Variants in AKAP1 observed in about 807,000 individuals in gnomAD.
The protein encoded by AKAP1 is A-kinase anchoring protein 1, also known as A-kinase anchor protein 1, mitochondrial.
In AKAP1, 32 loss-of-function variants were observed where a neutral mutation model predicts 79.8. That is an observed-to-expected ratio of 0.40 (90% CI 0.30 to 0.54). AKAP1 has a LOEUF of 0.54. Among genes scored for constraint, AKAP1 ranks in the 20% least tolerant of loss-of-function variants. AKAP1 has a pLI of 0.47. For missense variants in AKAP1, 961 were observed against 1,138.9 expected, an observed-to-expected ratio of 0.84 and a Z score of 2.25; for synonymous variants, 416 against 466.7, an observed-to-expected ratio of 0.89 and a Z score of 1.40.
intron 1 of AKAP1, among the ~76,000 whole-genome samples, chr17:57,105,154 TGAAGG>T (rs893906513): frequency 6.6e-6 from 1 of 152,156 alleles, no homozygotes; most frequent in African/African-American, 2.4e-5. Flanking sequence ...CATGAAGTGA[TGAAGG>T]GAGGGATTTG....
chr17:57,116,955 G>A (rs1915625124), intron 8 of AKAP1, 28 bp downstream of exon 8: 3 of 1,604,106 alleles, frequency 1.9e-6, no homozygotes, highest in Admixed American at 1.7e-5. Context: ...TGGCTTGGGG[G>A]ATTGTTGGGG....
chr17:57,119,430 C>T (rs1915781534), intron 10 of AKAP1, among the ~76,000 whole-genome samples: 1 of 152,128 alleles, frequency 6.6e-6, no homozygotes, highest in South Asian at 2.1e-4. Flanking sequence ...AAAGCCTATC[C>T]TGGCCAGGTA....
At position 57,118,982 on chromosome 17, in the gene AKAP1, G is replaced by A. The variant is rs1567919031; in HGVS notation, c.2575G>A (p.Val859Met). 1.2e-6 allele frequency: 2 copies of A among 1,613,006 alleles called. No homozygotes were observed. The highest frequency in any genetic ancestry group is 1.7e-6 in the Non-Finnish European group (2 of 1,179,158). The change falls in exon 10 of 11, where the codon GTG becomes ATG. Residue 859 changes from valine (V) to methionine (M), a missense_variant and splice_region_variant. Coordinates refer to ENST00000337714, the MANE Select transcript of AKAP1 (RefSeq NM_003488.4). The part of the protein sequence containing the change: ...MTGNTALLAQ[V>M]TSYSPTGLPL... ...TATTCTTTCCACCCCCCTTCTTCAGGTGACAAGTTACAGTCCAACTGGTCT... is the reference window on the plus strand; with the variant it reads ...TATTCTTTCCACCCCCCTTCTTCAGATGACAAGTTACAGTCCAACTGGTCT...
At chr17:57,110,707 G>T (rs182424038) in intron 3 of AKAP1, among the ~76,000 whole-genome samples, 1 of 152,110 alleles carries the variant, frequency 6.6e-6, no homozygotes, top group Admixed American at 6.5e-5. Context: ...AGATTATGTC[G>T]CTTTAATTAA....
chr17:57,120,220 C>T, intron 10 of AKAP1, 30 bp from the exon 11 acceptor site: 2 of 1,603,746 alleles, frequency 1.2e-6, no homozygotes, highest in Non-Finnish European at 1.7e-6. Context: ...ATGCCATGGA[C>T]AAAAGCTTTA....
At position 57,105,930 on chromosome 17, in the gene AKAP1, C is replaced by G; in HGVS notation, c.466C>G (p.Leu156Val). The change falls in exon 2 of 11, where the codon CTA becomes GTA. Residue 156 changes from leucine (L) to valine (V), a missense_variant. Leu to Val is a conservative substitution (Grantham distance 32, BLOSUM62 1). Transcript: ENST00000337714. ...CCCCCTTTCATCCCCAAAGGGTGTA[C>G]TATTCTCCAGCAAATCAGCTGAGGT... is the stretch of plus-strand genomic sequence containing the variant. ...ECPLSSPKGV[L>V]FSSKSAEVCK... 6.2e-6 allele frequency: 10 copies of G among 1,614,246 alleles called. No homozygotes were observed. The highest frequency in any genetic ancestry group is 8.5e-6 in the Non-Finnish European group (10 of 1,180,054).
chr17:57,099,906 G>C (rs1162524343), intron 1 of AKAP1, among the ~76,000 whole-genome samples: 1 of 152,154 alleles, frequency 6.6e-6, no homozygotes, highest in African/African-American at 2.4e-5. Context: ...TTGAGTGTTG[G>C]GTCTCTACCT....
At chr17:57,119,854 A>G (rs1268982861) in intron 10 of AKAP1, among the ~76,000 whole-genome samples, 2 of 10,610 alleles carry the variant, frequency 1.9e-4, no homozygotes, top group African/African-American at 6.7e-4. Context: ...TTTTTTTGAG[A>G]CAGTCTTGCT....
chr17:57,107,169 C>G lies in AKAP1; in HGVS notation c.1705C>G (p.His569Asp). ...DGWTMDAEADHSGGSDRNSMD... is the reference protein window; with the variant it reads ...DGWTMDAEADDSGGSDRNSMD... ...ATGGACCATGGATGCGGAAGCAGAT[C>G]ATTCAGGAGGTAGGAGGGTCTCGGG... is the stretch of plus-strand genomic sequence containing the variant. Residue 569 changes from histidine to aspartate, a missense_variant, in exon 2 of 11, where the codon CAT becomes GAT. By Grantham distance (81) the His-to-Asp change is moderately conservative. Coordinates refer to ENST00000337714, the MANE Select transcript of AKAP1 (RefSeq NM_003488.4). 6.2e-7 allele frequency: 1 copy of G among 1,602,470 alleles called. No individual in the cohort carries two copies. The highest frequency in any genetic ancestry group is 8.5e-7 in the Non-Finnish European group (1 of 1,171,668).
At chr17:57,118,571 T>C (rs1397027093) in intron 9 of AKAP1, 117 bp downstream of exon 9, 3 of 991,908 alleles carry the variant, frequency 3.0e-6, no homozygotes, top group Non-Finnish European at 4.7e-6. Context: ...TAAGGAAAGG[T>C]GCATGAAGTA....
At position 57,114,602 on chromosome 17, in the gene AKAP1, GCC is replaced by G; in HGVS notation, c.2248_2249del (p.Pro750TrpfsTer50). On this transcript the variant is annotated frameshift_variant, in exon 6 of 11. Coordinates refer to ENST00000337714, the MANE Select transcript of AKAP1 (RefSeq NM_003488.4). LOFTEE classifies it high-confidence loss of function. ...AGCAGATGTACCTCTGTTACTCTCA[GCC>G]TGGAATCCCCACCTTGCCCACCCCA... is the stretch of plus-strand genomic sequence containing the variant. ...DQQMYLCYSQ[P>X]GIPTLPTPVE... 1 of 1,614,122 alleles carries G rather than the reference GCC, an allele frequency of 6.2e-7. No individual in the cohort carries two copies. Among genetic ancestry groups the G allele is most frequent in the South Asian group, 1.1e-5 (1 of 91,078 alleles).
rs749671970 is a variant in AKAP1, at chr17:57,112,605, C to T, written c.2090C>T (p.Pro697Leu). The change falls in exon 5 of 11, where the codon CCG becomes CTG. Residue 697 changes from proline to leucine, a missense_variant. By Grantham distance (98) the Pro-to-Leu change is moderately conservative. Transcript: ENST00000337714. ...CCTTCACTGGCACTGCCTTCTCTGCCGATGACATCCTGGGTGAGCGTGCTA... is the reference window on the plus strand; with the variant it reads ...CCTTCACTGGCACTGCCTTCTCTGCTGATGACATCCTGGGTGAGCGTGCTA... ...PLPSLALPSL[P>L]MTSWLMLPDG... 22 of 1,613,166 alleles carry T rather than the reference C, an allele frequency of 1.4e-5. No individual in the cohort carries two copies. The highest frequency in any genetic ancestry group is 2.2e-5 in the East Asian group (1 of 44,898).
chr17:57,111,733 G>T, intron 3 of AKAP1, 65 bp from the exon 4 acceptor site: 2 of 1,591,390 alleles, frequency 1.3e-6, no homozygotes, highest in Non-Finnish European at 1.7e-6. Context: ...ACAGAAGTAG[G>T]TCTTTGGGTG....
chr17:57,116,356 G>A (rs1915586250), intron 7 of AKAP1, 95 bp downstream of exon 7: 1 of 1,502,282 alleles, frequency 6.7e-7, no homozygotes. Context: ...GCTTGGGTGA[G>A]GGTTACTTCT....
Position 57,106,656 on chromosome 17 carries a change from T to C in AKAP1, c.1192T>C (p.Leu398=), listed in dbSNP as rs1050516. 2 of 1,614,088 alleles carry C rather than the reference T, an allele frequency of 1.2e-6. No individual in the cohort carries two copies. The highest frequency in any genetic ancestry group is 1.7e-5 in the Admixed American group (1 of 60,020). Residue 398 remains leucine, a synonymous_variant, in exon 2 of 11, where the codon TTG becomes CTG. Coordinates refer to ENST00000337714, the MANE Select transcript of AKAP1 (RefSeq NM_003488.4). ...SCVPVHQKTV[L]GPDTAEPATA... is the part of the protein sequence containing the mutation. Reference sequence around the variant, plus strand: ...TGTCCCAGTTCACCAGAAAACTGTCTTGGGCCCAGACACTGCGGAGCCTGC... The same window carrying C: ...TGTCCCAGTTCACCAGAAAACTGTCCTGGGCCCAGACACTGCGGAGCCTGC...
Position 57,086,977 on chromosome 17 carries a change from T to C in AKAP1, c.-25+1579T>C, listed in dbSNP as rs1330583525. ...TTCACCTGCTGATTATTTAAGACCC[T>C]GAGCACTGGAAGCAAGTGAAGTTAT... On this transcript the variant is annotated intron_variant, in intron 1 of 10. Transcript: ENST00000337714. This position sits in a 1 kb window ranked among gnomAD's most constrained non-coding sequence, Gnocchi z 5.1. Among the ~76,000 whole-genome samples, 1 of 152,242 alleles carries C rather than the reference T, an allele frequency of 6.6e-6. No individual in the cohort carries two copies. Among genetic ancestry groups the C allele is most frequent in the Non-Finnish European group, 1.5e-5 (1 of 68,048 alleles).
intron 7 of AKAP1, 110 bp from the exon 8 acceptor site, chr17:57,116,750 G>T: frequency 9.4e-7 from 1 of 1,061,490 alleles, no homozygotes; most frequent in East Asian, 2.4e-5. Context: ...CGAACCCTCT[G>T]CTTTGCTGCA....
intron 1 of AKAP1, 79 bp from the exon 2 acceptor site, chr17:57,105,362 T>C: frequency 7.3e-7 from 1 of 1,373,212 alleles, no homozygotes; most frequent in Non-Finnish European, 1.0e-6. Flanking sequence ...CCCTGTTGAC[T>C]GTCTTGCATG....
rs915008894 is a variant in AKAP1, at chr17:57,114,448, C to T, written c.2104-11C>T. ...ATTGTTTCAGTGACCGCTCCCCCTT[C>T]CCCTCTACAGCTCATGCTGCCTGAT... On this transcript the variant is annotated splice_polypyrimidine_tract_variant and intron_variant, in intron 5 of 10. Transcript: ENST00000337714. The T allele has an allele frequency of 3.7e-6, 6 of 1,613,214 alleles. No homozygotes were observed. In the African/African-American group the frequency reaches 6.7e-5, roughly 18 times the overall value.
Sources: gnomAD v4.1 joint callset for allele counts (sites outside exome capture counted in the v4.1 genomes callset) on GRCh38, gnomAD v4.1.1 for gene constraint, Gnocchi (gnomAD v3.1) non-coding constraint, MANE v1.5 for transcripts, NCBI Gene and HGNC (gene_info 2026-07-23, HGNC 2026-07-21) for gene names.